HADHB: variants seen among roughly 807,000 people sequenced by gnomAD.
HADHB encodes the protein hydroxyacyl-CoA dehydrogenase trifunctional multienzyme complex subunit beta.
Under a neutral mutation model 61.9 loss-of-function variants are expected in HADHB, and 50 were observed. The observed-to-expected ratio is 0.81, with a 90% CI of 0.64 to 1.02. HADHB has a LOEUF of 1.02. Among genes scored for constraint, HADHB ranks in the 50% least tolerant of loss-of-function variants. The pLI is 0.00. For synonymous variants in HADHB, 191 were observed against 201.6 expected (o/e 0.95, Z 0.45); for missense variants, 504 against 586.5 (o/e 0.86, Z 1.45).
rs759026304 is a variant in HADHB at position 26,277,137 on chromosome 2, C to A, written c.419C>A (p.Ser140Tyr). Residue 140 changes from serine (S) to tyrosine (Y), a missense_variant, in exon 7 of 16, where the codon TCT (serine) becomes TAT (tyrosine). Ser to Tyr is a moderately radical substitution (Grantham distance 144). Transcript: ENST00000317799. ...CACACTGTCACCATGGCTTGTATCT[C>A]TGCCAACCAAGCCATGACCACAGGT... ...PAHTVTMACI[S>Y]ANQAMTTGVG... 6.3e-7 allele frequency: 1 copy of A among 1,589,752 alleles called. No homozygotes were observed. Among genetic ancestry groups the A allele is most frequent in the Non-Finnish European group, 8.6e-7 (1 of 1,158,074 alleles).
chr2:26,284,305 C>T (rs565798738), intron 13 of HADHB, 101 bp downstream of exon 13: 11 of 787,622 alleles, frequency 1.4e-5, no homozygotes, highest in South Asian at 1.4e-4. Context: ...GTGAGTAGAG[C>T]AGGAGTGGAC....
chr2:26,263,539 C>G, intron 4 of HADHB, 60 bp downstream of exon 4: 2 of 1,046,942 alleles, frequency 1.9e-6, no homozygotes, highest in South Asian at 2.5e-5. Flanking sequence ...CAAAAGTAGT[C>G]TTTGTAAATG....
chr2:26,282,871 C>A lies in HADHB; in HGVS notation c.960C>A (p.Ile320=), dbSNP rs1376324570. The change falls in exon 11 of 16, where the codon ATC becomes ATA. Residue 320 remains isoleucine (I), a synonymous_variant. Coordinates refer to ENST00000317799, the MANE Select transcript of HADHB (RefSeq NM_000183.3). ...FLTDGASAML[I]MAEEKALAMG... The stretch of plus-strand genomic sequence containing the variant: ...CTGATGGTGCATCTGCAATGTTAAT[C>A]ATGGCGGAGGAAAAGGCTCTGGCCA... The A allele has an allele frequency of 6.2e-7, 1 of 1,612,830 alleles. No individual in the cohort carries two copies. The highest frequency in any genetic ancestry group is 8.5e-7 in the Non-Finnish European group (1 of 1,179,176).
intron 1 of HADHB, among the ~76,000 whole-genome samples, chr2:26,246,064 A>G (rs1422765685): frequency 2.0e-5 from 3 of 152,192 alleles, no homozygotes; most frequent in Non-Finnish European, 4.4e-5. Flanking sequence ...GTGAGTGCTC[A>G]TCATGTGAGC....
chr2:26,286,110 T>C (rs1409587645), intron 15 of HADHB, among the ~76,000 whole-genome samples: 1 of 152,184 alleles, frequency 6.6e-6, no homozygotes, highest in Admixed American at 6.5e-5. Context: ...TAATGTTTAT[T>C]TTTTACTTAT....
chr2:26,246,920 G>A (rs7588328), intron 1 of HADHB, among the ~76,000 whole-genome samples: 26,088 of 152,204 alleles, frequency 0.17, 2,716 homozygotes, highest in Middle Eastern at 0.26. Context: ...ATCAAGCACT[G>A]TTTTAAGTGG....
At chr2:26,254,626 T>G (rs1574642679) in intron 3 of HADHB, 152 bp downstream of exon 3, 2 of 632,004 alleles carry the variant, frequency 3.2e-6, no homozygotes, top group East Asian at 5.6e-5. Context: ...AATTAAAAAA[T>G]TATAGGTCCA....
At chr2:26,272,276 G>A (rs1223263271) in intron 5 of HADHB, among the ~76,000 whole-genome samples, 1 of 151,216 alleles carries the variant, frequency 6.6e-6, no homozygotes, top group Non-Finnish European at 1.5e-5. Flanking sequence ...CAGATTTTAA[G>A]TGTATAGTTT....
Position 26,279,134 on chromosome 2 carries a change from G to C in HADHB, c.631-1G>C. On this transcript the variant is annotated splice_acceptor_variant, in intron 8 of 15. Transcript: ENST00000317799. LOFTEE classifies it high-confidence loss of function. ...TGCTCCTTGGATATCTCCTTTCCCAGCTCCCTGCGGTTTCTGAGTTCTCCA... is the reference window on the plus strand; with the variant it reads ...TGCTCCTTGGATATCTCCTTTCCCACCTCCCTGCGGTTTCTGAGTTCTCCA... 6.2e-7 allele frequency: 1 copy of C among 1,612,470 alleles called. No individual in the cohort carries two copies. The highest frequency in any genetic ancestry group is 8.5e-7 in the Non-Finnish European group (1 of 1,178,536).
At chr2:26,261,797 T>C (rs553779369) in intron 3 of HADHB, among the ~76,000 whole-genome samples, 52 of 151,952 alleles carry the variant, frequency 3.4e-4, no homozygotes, top group African/African-American at 1.2e-3. Flanking sequence ...TTAAGTCCCC[T>C]TTTTTTTCCA....
chr2:26,265,828 A>G (rs1351207813), intron 4 of HADHB, among the ~76,000 whole-genome samples: 1 of 152,196 alleles, frequency 6.6e-6, no homozygotes, highest in Non-Finnish European at 1.5e-5. Context: ...GAGTAATGTA[A>G]GAAATGATAG....
chr2:26,249,960 A>T (rs901097916), intron 1 of HADHB, among the ~76,000 whole-genome samples: 17 of 152,178 alleles, frequency 1.1e-4, no homozygotes, highest in African/African-American at 3.9e-4. Context: ...TGGAATGGAT[A>T]TTAGAGTACA....
chr2:26,245,262 G>GT (rs1306384397), intron 1 of HADHB: 10 of 168,636 alleles, frequency 5.9e-5, no homozygotes, highest in African/African-American at 2.2e-4. Context: ...GGGGGTGTGG[G>GT]GGTGTGTGTG....
At chr2:26,248,634 C>CT (rs1354514066) in intron 1 of HADHB, among the ~76,000 whole-genome samples, 1 of 152,156 alleles carries the variant, frequency 6.6e-6, no homozygotes, top group Non-Finnish European at 1.5e-5. Flanking sequence ...TACATGTCTT[C>CT]TAGTGTATGG....
chr2:26,255,873 C>T lies in HADHB; in HGVS notation c.109+1399C>T, dbSNP rs1049969171. ...TTTGTAGTAGCCCCATAAATAATTC[C>T]TGTCTGTCTTGTTTTGCCTTTTCCC... On this transcript the variant is annotated intron_variant, in intron 3 of 15. Transcript: ENST00000317799. Among the ~76,000 whole-genome samples the T allele has an allele frequency of 3.3e-5, 5 of 152,144 alleles. 1 individual carries two copies. Among genetic ancestry groups the T allele is most frequent in the Non-Finnish European group, 7.4e-5 (5 of 68,022 alleles).
chr2:26,285,323 C>A, intron 14 of HADHB, 84 bp from the exon 15 acceptor site: 1 of 1,189,914 alleles, frequency 8.4e-7, no homozygotes, highest in Non-Finnish European at 1.3e-6. Context: ...TCCTCTATCT[C>A]TCTTACTTCG....
At position 26,282,900 on chromosome 2, in the gene HADHB, G is replaced by C. The variant is rs1349682003; in HGVS notation, c.989G>C (p.Gly330Ala). The C allele has an allele frequency of 3.1e-6, 5 of 1,612,448 alleles. No individual in the cohort carries two copies. Among genetic ancestry groups the C allele is most frequent in the Non-Finnish European group, 4.2e-6 (5 of 1,178,652 alleles). The change falls in exon 11 of 16, where the codon GGT (glycine) becomes GCT (alanine). Residue 330 changes from glycine (G) to alanine (A), a missense_variant. Physicochemically the swap from Gly to Ala is moderately conservative, Grantham distance 60 (BLOSUM62 0). Transcript: ENST00000317799. The stretch of plus-strand genomic sequence containing the variant: ...GCGGAGGAAAAGGCTCTGGCCATGG[G>C]TTATAAGCCGAAGGCATATTTGAGG... ...IMAEEKALAM[G>A]YKPKAYLRDF...
At chr2:26,253,935 G>T (rs1007418073) in intron 1 of HADHB, among the ~76,000 whole-genome samples, 1 of 151,746 alleles carries the variant, frequency 6.6e-6, no homozygotes, top group Admixed American at 6.6e-5. Context: ...CTAGTTGTAG[G>T]TCTTTTGGCA....
In HADHB at chr2:26,260,877, A is replaced by G; in HGVS notation, c.110-2503A>G. 6.3e-6 allele frequency: 4 copies of G among 635,460 alleles called. No homozygotes were observed. In the South Asian group the frequency reaches 7.5e-5, roughly 12 times the overall value. The allele number at this position is 635,460 out of a possible 1,614,324, so 39.4% of individuals were successfully genotyped here. ...TTATTTGCTCACTTATGGTTTACAAACTCTGGCTTACGAATGACATCAGTT... is the reference window on the plus strand; with the variant it reads ...TTATTTGCTCACTTATGGTTTACAAGCTCTGGCTTACGAATGACATCAGTT... On this transcript the variant is annotated intron_variant, in intron 3 of 15. Transcript: ENST00000317799.
Sources: allele counts gnomAD v4.1 joint callset (sites outside exome capture counted in the v4.1 genomes callset), GRCh38; gene constraint gnomAD v4.1.1; transcripts MANE v1.5; gene names NCBI Gene and HGNC (gene_info 2026-07-23, HGNC 2026-07-21).